The following LHFPL3 variants were observed in gnomAD, a reference collection of about 807,000 sequenced individuals.
LHFPL3 encodes LHFPL tetraspan subfamily member 3 protein.
Under a neutral mutation model 19.3 loss-of-function variants are expected in LHFPL3, and 5 were observed. The ratio of observed to expected loss-of-function variants is 0.26; its 90% CI spans 0.14 to 0.54. The LOEUF is 0.54. LHFPL3 is among the 20% of genes least tolerant of loss of function. The pLI is 0.94. For missense variants in LHFPL3, 249 were observed against 307.4 expected, an observed-to-expected ratio of 0.81 and a Z score of 1.42; for synonymous variants, 133 against 126.2, an observed-to-expected ratio of 1.05 and a Z score of -0.36.
In LHFPL3 at chr7:104,521,604, C is replaced by T. The variant is rs1211364560; in HGVS notation, c.445+192380C>T. Among the ~76,000 whole-genome samples, 4 of 152,024 alleles carry T rather than the reference C, an allele frequency of 2.6e-5. No individual in the cohort carries two copies. The East Asian group carries it at 7.7e-4, about 29-fold the overall frequency. On this transcript the variant is annotated intron_variant, in intron 1 of 2. Coordinates refer to ENST00000424859, the MANE Select transcript of LHFPL3 (RefSeq NM_199000.3). ...ACTACCATCAGAGTGAACAGGCAAC[C>T]TACAAAATGGGAGAAAATTTTTGCA...
intron 1 of LHFPL3, among the ~76,000 whole-genome samples, chr7:104,716,881 A>G (rs962706513): frequency 2.0e-5 from 3 of 152,228 alleles, no homozygotes; most frequent in Non-Finnish European, 4.4e-5. Flanking sequence ...AATATTAAGA[A>G]AGAACAAAAC....
chr7:104,802,491 CAAAAAA>C (rs920866759), intron 2 of LHFPL3, among the ~76,000 whole-genome samples: 29 of 65,510 alleles, frequency 4.4e-4, no homozygotes, highest in South Asian at 7.0e-4. Context: ...AACCCTATCT[CAAAAAA>C]AAAAAAAAAA....
chr7:104,457,152 G>A (rs1001184055), intron 1 of LHFPL3, among the ~76,000 whole-genome samples: 2 of 151,868 alleles, frequency 1.3e-5, no homozygotes, highest in African/African-American at 4.8e-5. Context: ...AAGTTTTAGG[G>A]TACATGTGCA....
At chr7:104,859,561 C>T (rs977775172) in intron 2 of LHFPL3, among the ~76,000 whole-genome samples, 5 of 151,942 alleles carry the variant, frequency 3.3e-5, no homozygotes, top group South Asian at 4.2e-4. Context: ...CCCAAACACT[C>T]GGGAGGCTGA....
intron 1 of LHFPL3, among the ~76,000 whole-genome samples, chr7:104,430,419 C>CATATATATATGT (rs1791959875): frequency 6.8e-5 from 1 of 14,662 alleles, no homozygotes; most frequent in Non-Finnish European, 1.4e-4. Flanking sequence ...TATATATATA[C>CATATATATATGT]ATATATATAT....
intron 1 of LHFPL3, among the ~76,000 whole-genome samples, chr7:104,648,620 C>A (rs537785177): frequency 1.1e-4 from 16 of 152,292 alleles, no homozygotes; most frequent in Admixed American, 8.5e-4. Flanking sequence ...GTTACATTCT[C>A]TTTTAGATTA....
chr7:104,887,392 A>T (rs1206379760), intron 2 of LHFPL3, among the ~76,000 whole-genome samples: 1 of 152,216 alleles, frequency 6.6e-6, no homozygotes, highest in Admixed American at 6.5e-5. Context: ...GAAGGTGGTC[A>T]ATAAAGGGAG....
Position 104,356,367 on chromosome 7 carries a change from T to C in LHFPL3, c.445+27143T>C, listed in dbSNP as rs143806328. Among the ~76,000 whole-genome samples the C allele has an allele frequency of 8.0e-3, 1,223 of 152,310 alleles. 19 individuals are homozygous for C. The highest frequency in any genetic ancestry group is 0.028 in the African/African-American group (1,180 of 41,568). Reference sequence around the variant, plus strand: ...CCCTTAACTTAGGTGAGGACTAGTTTGAGAAACACCTGATAGTAAGGAATA... The same window carrying C: ...CCCTTAACTTAGGTGAGGACTAGTTCGAGAAACACCTGATAGTAAGGAATA... On this transcript the variant is annotated intron_variant, in intron 1 of 2. Coordinates refer to ENST00000424859, the MANE Select transcript of LHFPL3 (RefSeq NM_199000.3).
chr7:104,547,517 A>C (rs184414133), intron 1 of LHFPL3, among the ~76,000 whole-genome samples: 6 of 152,268 alleles, frequency 3.9e-5, no homozygotes, highest in Non-Finnish European at 7.4e-5. Flanking sequence ...TTGAGGTTGC[A>C]GTCAATTAAT....
At chr7:104,493,576 G>T (rs909519378) in intron 1 of LHFPL3, among the ~76,000 whole-genome samples, 7 of 151,990 alleles carry the variant, frequency 4.6e-5, no homozygotes, top group African/African-American at 1.7e-4. Context: ...CTGCTATATT[G>T]CTGGGCCTGC....
intron 1 of LHFPL3, among the ~76,000 whole-genome samples, chr7:104,554,680 T>TAGACAGAC (rs1434689852): frequency 6.8e-6 from 1 of 146,328 alleles, no homozygotes; most frequent in Non-Finnish European, 1.5e-5. Flanking sequence ...GATAGATAGA[T>TAGACAGAC]AGATAGATAG....
chr7:104,346,343 T>TC (rs199641862), intron 1 of LHFPL3, among the ~76,000 whole-genome samples: 10 of 151,714 alleles, frequency 6.6e-5, no homozygotes, highest in South Asian at 2.1e-4. Flanking sequence ...AGGGTTTTTT[T>TC]TTTTTTTTTT....
At chr7:104,769,606 T>G (rs28432670) in intron 2 of LHFPL3, among the ~76,000 whole-genome samples, 8 of 150,792 alleles carry the variant, frequency 5.3e-5, no homozygotes, top group Non-Finnish European at 8.9e-5. Context: ...TGTCCCTCTT[T>G]TAGCCCCCCC....
chr7:104,467,389 T>A (rs1792812280), intron 1 of LHFPL3, among the ~76,000 whole-genome samples: 1 of 152,138 alleles, frequency 6.6e-6, no homozygotes, highest in African/African-American at 2.4e-5. Flanking sequence ...TTTCTTCAAC[T>A]GAAAAACAGG....
intron 1 of LHFPL3, among the ~76,000 whole-genome samples, chr7:104,478,435 C>A (rs1247698090): frequency 6.6e-6 from 1 of 152,096 alleles, no homozygotes; most frequent in Non-Finnish European, 1.5e-5. Context: ...TTCTCCTCTT[C>A]TCTCCACCGC....
intron 1 of LHFPL3, among the ~76,000 whole-genome samples, chr7:104,446,947 TAATTATC>T (rs748533007): frequency 2.6e-5 from 4 of 152,204 alleles, no homozygotes; most frequent in Non-Finnish European, 5.9e-5. Flanking sequence ...AATTTTGTCT[TAATTATC>T]AGTTACCAAA....
chr7:104,847,533 C>T (rs548700908), intron 2 of LHFPL3, among the ~76,000 whole-genome samples: 190 of 152,154 alleles, frequency 1.2e-3, no homozygotes, highest in African/African-American at 4.0e-3. Context: ...TTCTTGGAGA[C>T]GGAGTCTTGC....
chr7:104,442,088 A>T (rs1266342764), intron 1 of LHFPL3, among the ~76,000 whole-genome samples: 2 of 151,390 alleles, frequency 1.3e-5, no homozygotes, highest in Non-Finnish European at 2.9e-5. Flanking sequence ...CAGAATAGCC[A>T]TTCTAACAGG....
chr7:104,352,198 A>G (rs1790191175), intron 1 of LHFPL3, among the ~76,000 whole-genome samples: 1 of 151,842 alleles, frequency 6.6e-6, no homozygotes. Context: ...CTGAATCATT[A>G]TTCCCTTCTG....
Sources: gnomAD v4.1 joint callset for allele counts (sites outside exome capture counted in the v4.1 genomes callset) on GRCh38, gnomAD v4.1.1 for gene constraint, MANE v1.5 for transcripts, NCBI Gene and HGNC (gene_info 2026-07-23, HGNC 2026-07-21) for gene names.